EPHA4: variants seen among roughly 807,000 people sequenced by gnomAD.
EPHA4 encodes the protein EPH receptor A4.
Under a neutral mutation model 108.3 loss-of-function variants are expected in EPHA4, and 19 were observed. That is an observed-to-expected ratio of 0.18 (90% CI 0.12 to 0.26). EPHA4 has a LOEUF of 0.26. EPHA4 is among the 10% of genes least tolerant of loss of function. The pLI, the probability that EPHA4 is intolerant of heterozygous loss-of-function variation, is 1.00. For synonymous variants in EPHA4, 449 were observed against 455.5 expected (o/e 0.99, Z 0.18); for missense variants, 917 against 1,254.0 (o/e 0.73, Z 4.06).
At chr2:221,470,049 A>C (rs1400233628) in intron 5 of EPHA4, among the ~76,000 whole-genome samples, 1 of 152,172 alleles carries the variant, frequency 6.6e-6, no homozygotes, top group Non-Finnish European at 1.5e-5. Flanking sequence ...TGTTGCACTT[A>C]AAACACACAG....
At chr2:221,505,880 C>G (rs1692615796) in intron 3 of EPHA4, among the ~76,000 whole-genome samples, 1 of 152,208 alleles carries the variant, frequency 6.6e-6, no homozygotes, top group Non-Finnish European at 1.5e-5. Context: ...TCCTGAAGAA[C>G]TGCTCTCAAC....
At position 221,461,985 on chromosome 2, in the gene EPHA4, C is replaced by CTTTTT. The variant is rs71050335; in HGVS notation, c.1319-4000_1319-3996dup. 4.9e-4 allele frequency among the ~76,000 whole-genome samples: 68 copies of CTTTTT among 138,914 alleles called. 1 individual carries two copies. The highest frequency in any genetic ancestry group is 1.9e-3 in the East Asian group (9 of 4,630). 91.1% of individuals were successfully genotyped at this position (138,914 alleles called of 152,430 possible). On this transcript the variant is annotated intron_variant, in intron 5 of 17. Coordinates refer to ENST00000281821, the MANE Select transcript of EPHA4 (RefSeq NM_004438.5). ...AAGCTGGGGGGCTGATGAACACATT[C>CTTTTT]TTTTTTTTTTTTTTTTACATTCTTA... is the stretch of plus-strand genomic sequence containing the variant.
chr2:221,526,685 A>G (rs373724319), intron 3 of EPHA4, among the ~76,000 whole-genome samples: 28 of 151,998 alleles, frequency 1.8e-4, no homozygotes, highest in African/African-American at 6.5e-4. Flanking sequence ...GCTCTCTACT[A>G]GAAATACAAA....
At chr2:221,552,863 A>G (rs1272599176) in intron 3 of EPHA4, among the ~76,000 whole-genome samples, 4 of 152,202 alleles carry the variant, frequency 2.6e-5, no homozygotes, top group Admixed American at 1.3e-4. Context: ...GATGCAACCT[A>G]TTTAGTAACA....
In EPHA4 at chr2:221,482,389, G is replaced by A. The variant is rs1401213714; in HGVS notation, c.1281C>T (p.Asp427=). ...TGGTCACAGTGACAGAAACTGATTG[G>A]TCTGGGTTAGGGTTATATTTGGACA... ...NGVSKYNPNP[D]QSVSVTVTTN... The change falls in exon 5 of 18, where the codon GAC becomes GAT. Residue 427 remains aspartate (D), a synonymous_variant. Coordinates refer to ENST00000281821, the MANE Select transcript of EPHA4 (RefSeq NM_004438.5). 1.2e-6 allele frequency: 2 copies of A among 1,612,212 alleles called. No homozygotes were observed. The highest frequency in any genetic ancestry group is 1.1e-5 in the South Asian group (1 of 90,912).
upstream of EPHA4, chr2:221,573,473 C>G (rs1694909813): frequency 1.3e-5 from 2 of 152,190 alleles, no homozygotes; most frequent in Non-Finnish European, 2.9e-5. The surrounding 1 kb of genome is among the most constrained non-coding windows in gnomAD (Gnocchi z 4.5). Flanking sequence ...TCCCAGGGAC[C>G]GGTCCCCAAC....
chr2:221,445,571 C>T (rs1014229168), intron 9 of EPHA4, among the ~76,000 whole-genome samples: 1 of 131,930 alleles, frequency 7.6e-6, no homozygotes, highest in African/African-American at 2.9e-5. Context: ...GCCTGGCCGA[C>T]AGAGCAAGAC....
chr2:221,495,199 T>C (rs183583242), intron 4 of EPHA4, among the ~76,000 whole-genome samples: 1 of 152,186 alleles, frequency 6.6e-6, no homozygotes, highest in Non-Finnish European at 1.5e-5. Context: ...GGCTGGATTT[T>C]CTTCATACAG....
chr2:221,564,339 A>G lies in EPHA4; in HGVS notation c.215T>C (p.Val72Ala). Reference sequence around the variant, plus strand: ...CTGGCTGGGTTCCATCACATTGCACACTTGGTAGGTTCGGATTGGTGTATT... The same window carrying G: ...CTGGCTGGGTTCCATCACATTGCACGCTTGGTAGGTTCGGATTGGTGTATT... ...EKNTPIRTYQVCNVMEPSQNN... is the reference protein window; with the variant it reads ...EKNTPIRTYQACNVMEPSQNN... The change falls in exon 3 of 18, where the codon GTG (valine) becomes GCG (alanine). Residue 72 changes from valine (V) to alanine (A), a missense_variant. Val to Ala is a moderately conservative substitution (Grantham distance 64, BLOSUM62 0). Transcript: ENST00000281821. 4.3e-6 allele frequency: 7 copies of G among 1,613,876 alleles called. No individual in the cohort carries two copies. Among genetic ancestry groups the G allele is most frequent in the Non-Finnish European group, 5.9e-6 (7 of 1,179,944 alleles).
At chr2:221,439,427 C>T (rs113389255) in intron 11 of EPHA4, among the ~76,000 whole-genome samples, 5,887 of 151,076 alleles carry the variant, frequency 0.039, 365 homozygotes, top group African/African-American at 0.13. Context: ...GCCCAGGAGG[C>T]GGAGGTTACA....
intron 5 of EPHA4, among the ~76,000 whole-genome samples, chr2:221,465,438 G>A (rs1236587860): frequency 2.0e-5 from 3 of 152,138 alleles, no homozygotes; most frequent in Non-Finnish European, 2.9e-5. Flanking sequence ...AGAATGTGAT[G>A]CTATTCTTAG....
At chr2:221,469,903 T>TA (rs1414357472) in intron 5 of EPHA4, among the ~76,000 whole-genome samples, 1 of 152,184 alleles carries the variant, frequency 6.6e-6, no homozygotes, top group Non-Finnish European at 1.5e-5. Flanking sequence ...AATCGTCATT[T>TA]AAAAAGATCA....
Position 221,439,947 on chromosome 2 carries a change from C to T in EPHA4, c.2075-2825G>A, listed in dbSNP as rs151073073. Among the ~76,000 whole-genome samples, 289 of 152,324 alleles carry T rather than the reference C, an allele frequency of 1.9e-3. 4 individuals carry two copies. Among genetic ancestry groups the T allele is most frequent in the Admixed American group, 0.013 (203 of 15,298 alleles). On this transcript the variant is annotated intron_variant, in intron 11 of 17. Transcript: ENST00000281821. ...TCTACCCTTTCACCCTCACACCTCC[C>T]TAGTCGGACTCTTGGCACCATCTTC...
rs1233517295 is a variant in EPHA4, at chr2:221,425,248, T to C, written c.*780A>G. 2.0e-5 allele frequency: 3 copies of C among 152,622 alleles called. No homozygotes were observed. Among genetic ancestry groups the C allele is most frequent in the Non-Finnish European group, 4.4e-5 (3 of 68,042 alleles). The allele number at this position is 152,622 out of a possible 1,614,324, so 9.5% of individuals were successfully genotyped here. On this transcript the variant is annotated 3_prime_UTR_variant, in exon 17 of 18. Coordinates refer to ENST00000281821, the MANE Select transcript of EPHA4 (RefSeq NM_004438.5). ...GTCGCTTCTTTAAAGGAGCGAAGTG[T>C]GAACGTTCTCTATTCCAGATTGTCA...
intron 5 of EPHA4, among the ~76,000 whole-genome samples, chr2:221,465,350 C>A (rs1331598041): frequency 6.6e-6 from 1 of 152,114 alleles, no homozygotes; most frequent in Non-Finnish European, 1.5e-5. Flanking sequence ...ACGTCATTTT[C>A]TTTATGCCAG....
At chr2:221,479,594 G>A (rs1325875643) in intron 5 of EPHA4, among the ~76,000 whole-genome samples, 1 of 152,216 alleles carries the variant, frequency 6.6e-6, no homozygotes, top group Non-Finnish European at 1.5e-5. Context: ...TTGTGTGTAT[G>A]TAAATATGCT....
intron 3 of EPHA4, among the ~76,000 whole-genome samples, chr2:221,523,078 A>ACTGT (rs1194703628): frequency 6.7e-6 from 1 of 150,246 alleles, no homozygotes; most frequent in East Asian, 2.0e-4. Context: ...ATTTTTTTAA[A>ACTGT]CTGTCTGTCC....
At chr2:221,449,079 T>G (rs1451444095) in intron 8 of EPHA4, among the ~76,000 whole-genome samples, 1 of 151,998 alleles carries the variant, frequency 6.6e-6, no homozygotes, top group Non-Finnish European at 1.5e-5. Flanking sequence ...TTTTTTTACG[T>G]GGAGTGTTAT....
intron 6 of EPHA4, 53 bp from the exon 7 acceptor site, chr2:221,456,825 T>C: frequency 6.2e-7 from 1 of 1,602,342 alleles, no homozygotes; most frequent in South Asian, 1.1e-5. Context: ...ATCTCCTGCT[T>C]ACTTACTAGG....
Sources: gnomAD v4.1 joint callset for allele counts (sites outside exome capture counted in the v4.1 genomes callset) on GRCh38, gnomAD v4.1.1 for gene constraint, Gnocchi (gnomAD v3.1) non-coding constraint, MANE v1.5 for transcripts, NCBI Gene and HGNC (gene_info 2026-07-23, HGNC 2026-07-21) for gene names.